The following BUB3 variants were observed in gnomAD, a reference collection of about 807,000 sequenced individuals.
BUB3 encodes mitotic checkpoint protein BUB3.
In BUB3, 22 loss-of-function variants were observed where a neutral mutation model predicts 39.9. That is an observed-to-expected ratio of 0.55 (90% CI 0.39 to 0.79). The LOEUF (loss-of-function observed/expected upper bound fraction) is 0.79, where lower values mean the gene tolerates loss of function less well. Among genes scored for constraint, BUB3 ranks in the 30% least tolerant of loss-of-function variants. BUB3 has a pLI of 0.00. For synonymous variants in BUB3, 168 were observed against 155.1 expected, an observed-to-expected ratio of 1.08 and a Z score of -0.62; for missense variants, 303 against 415.4, an observed-to-expected ratio of 0.73 and a Z score of 2.35.
At chr10:123,158,048 C>A (rs1231801807) in intron 4 of BUB3, among the ~76,000 whole-genome samples, 168 bp downstream of exon 4, 1 of 152,146 alleles carries the variant, frequency 6.6e-6, no homozygotes, top group Non-Finnish European at 1.5e-5. Context: ...TGCTTTAATG[C>A]AAAAGAAAAT....
rs762924864 is a variant in BUB3 at position 123,162,787 on chromosome 10, T to G, written c.930T>G (p.Gly310=). Residue 310 remains glycine, a synonymous_variant, in exon 7 of 8, where the codon GGT becomes GGG. Transcript: ENST00000368865. ...EMDDTEHPED[G]IFIRQVTDAE... is the part of the protein sequence containing the mutation. ...ATGACACAGAACATCCTGAAGATGGTATCTTCATTCGCCAAGTGACAGATG... is the reference window on the plus strand; with the variant it reads ...ATGACACAGAACATCCTGAAGATGGGATCTTCATTCGCCAAGTGACAGATG... 4 of 1,613,654 alleles carry G rather than the reference T, an allele frequency of 2.5e-6. No homozygotes were observed. The highest frequency in any genetic ancestry group is 3.4e-6 in the Non-Finnish European group (4 of 1,179,856).
intron 7 of BUB3, among the ~76,000 whole-genome samples, chr10:123,163,416 T>TA: frequency 6.6e-6 from 1 of 152,356 alleles, no homozygotes; most frequent in Non-Finnish European, 1.5e-5. Flanking sequence ...TTTACTTAAT[T>TA]ACCTCTACCA....
At position 123,157,736 on chromosome 10, in the gene BUB3, T is replaced by G; in HGVS notation, c.273T>G (p.Leu91=). 1 of 1,589,136 alleles carries G rather than the reference T, an allele frequency of 6.3e-7. No individual in the cohort carries two copies. Among genetic ancestry groups the G allele is most frequent in the Admixed American group, 1.8e-5 (1 of 57,082 alleles). ...CTTTTTTTTTCTCTATAGAAAATCT[T>G]GTTGGGACCCATGATGCCCCTATCA... ...MHDLNTDQEN[L]VGTHDAPIRC... is the part of the protein sequence containing the mutation. The change falls in exon 4 of 8, where the codon CTT becomes CTG. Residue 91 remains leucine (L), a synonymous_variant. Coordinates refer to ENST00000368865, the MANE Select transcript of BUB3 (RefSeq NM_004725.4).
rs376253752 is a variant in BUB3 at position 123,155,124 on chromosome 10, C to T, written c.195+12C>T. The T allele has an allele frequency of 6.2e-7, 1 of 1,611,970 alleles. No individual in the cohort carries two copies. The highest frequency in any genetic ancestry group is 1.3e-5 in the African/African-American group (1 of 74,888). On this transcript the variant is annotated intron_variant, in intron 2 of 7. Coordinates refer to ENST00000368865, the MANE Select transcript of BUB3 (RefSeq NM_004725.4). The stretch of plus-strand genomic sequence containing the variant: ...ACTGCGCCTTCTACGTAGGTGCCCT[C>T]CCGCCCTGCTCCTGCCCTCTTACTG...
rs1023268669 is a variant in BUB3, at chr10:123,169,558, A to T, written c.*5723A>T. The T allele has an allele frequency of 6.6e-6, 1 of 152,232 alleles. No homozygotes were observed. The highest frequency in any genetic ancestry group is 2.4e-5 in the African/African-American group (1 of 41,454). The allele number at this position is 152,232 out of a possible 1,614,324, so 9.4% of individuals were successfully genotyped here. A position where few individuals can be genotyped will look rare whatever the true frequency, so the allele number is the denominator to read the frequency against. ...GTTTGGTGACTGCTTGAAGTCTAAG[A>T]TCACCAAAGTGGCTAATGCAGGCAC... On this transcript the variant is annotated 3_prime_UTR_variant, in exon 8 of 8. Transcript: ENST00000368865.
chr10:123,163,006 C>G, intron 7 of BUB3, 178 bp downstream of exon 7: 4 of 618,900 alleles, frequency 6.5e-6, no homozygotes, highest in Non-Finnish European at 1.1e-5. Flanking sequence ...TGATAGACGT[C>G]TGATGGATAA....
chr10:123,154,715 T>C, intron 1 of BUB3: 1 of 568,534 alleles, frequency 1.8e-6, no homozygotes, highest in Non-Finnish European at 3.0e-6. Flanking sequence ...CGGTGCGGGC[T>C]GGGCCGGTTT....
intron 1 of BUB3, 74 bp from the exon 2 acceptor site, chr10:123,154,844 C>T (rs572737669): frequency 1.3e-6 from 2 of 1,494,610 alleles, no homozygotes; most frequent in Non-Finnish European, 1.8e-6. Context: ...TCTGGGGGGA[C>T]CCCCAGTGCC....
intron 4 of BUB3, among the ~76,000 whole-genome samples, chr10:123,158,692 C>A (rs766247064): frequency 4.6e-5 from 7 of 152,134 alleles, no homozygotes; most frequent in Non-Finnish European, 8.8e-5. Flanking sequence ...CCTGGCAAGA[C>A]CTTTGTTCAG....
At chr10:123,158,002 T>C in intron 4 of BUB3, 122 bp downstream of exon 4, 1 of 1,104,132 alleles carries the variant, frequency 9.1e-7, no homozygotes, top group East Asian at 2.7e-5. Context: ...GGAAAAAAGG[T>C]TGACAGTTGG....
rs1844467407 is a variant in BUB3 at position 123,164,744 on chromosome 10, A to G, written c.*909A>G. 3.6e-6 allele frequency: 4 copies of G among 1,110,752 alleles called. No individual in the cohort carries two copies. In the East Asian group the frequency reaches 2.0e-4, roughly 56 times the overall value. The allele number at this position is 1,110,752 out of a possible 1,614,324, so 68.8% of individuals were successfully genotyped here. On this transcript the variant is annotated 3_prime_UTR_variant, in exon 8 of 8. Coordinates refer to ENST00000368865, the MANE Select transcript of BUB3 (RefSeq NM_004725.4). ...CCGCTGGTGATTAAAGTTAAAAAGA[A>G]AAAAATTATAGTGAGAATGAGATTC...
chr10:123,155,650 T>A lies in BUB3; in HGVS notation c.196-8T>A. The A allele has an allele frequency of 6.2e-7, 1 of 1,613,628 alleles. No homozygotes were observed. Among genetic ancestry groups the A allele is most frequent in the South Asian group, 1.1e-5 (1 of 91,072 alleles). ...CTAGTTTTTAAACGGTTCAAAACTA[T>A]TTTATAGGATCCAACGCATGCCTGG... is the stretch of plus-strand genomic sequence containing the variant. On this transcript the variant is annotated splice_region_variant and splice_polypyrimidine_tract_variant and intron_variant, in intron 2 of 7. Coordinates refer to ENST00000368865, the MANE Select transcript of BUB3 (RefSeq NM_004725.4).
At chr10:123,154,595 T>C in intron 1 of BUB3, 110 bp downstream of exon 1, 2 of 253,954 alleles carry the variant, frequency 7.9e-6, no homozygotes, top group Non-Finnish European at 1.5e-5. Context: ...TTTCTGTTGT[T>C]TTCCCTTTAT....
In BUB3 at chr10:123,164,127, C is replaced by T. The variant is rs1844458205; in HGVS notation, c.*292C>T. 9.0e-7 allele frequency: 1 copy of T among 1,105,174 alleles called. No homozygotes were observed. Among genetic ancestry groups the T allele is most frequent in the Non-Finnish European group, 1.1e-6 (1 of 909,054 alleles). The allele number at this position is 1,105,174 out of a possible 1,614,324, so 68.5% of individuals were successfully genotyped here. A position where few individuals can be genotyped will look rare whatever the true frequency, so the allele number is the denominator to read the frequency against. Reference sequence around the variant, plus strand: ...TTTGACCTTGATGATTTTTTGTTTCCACTGTGGAAATAAATGTTTGTAAAT... The same window carrying T: ...TTTGACCTTGATGATTTTTTGTTTCTACTGTGGAAATAAATGTTTGTAAAT... On this transcript the variant is annotated 3_prime_UTR_variant, in exon 8 of 8. Coordinates refer to ENST00000368865, the MANE Select transcript of BUB3 (RefSeq NM_004725.4).
In BUB3 at chr10:123,164,685, T is replaced by A; in HGVS notation, c.*850T>A. Reference sequence around the variant, plus strand: ...TGAGGTTTACATATTTCTCTGACATTTATATAGTTCTTATGTCCATTTCAG... The same window carrying A: ...TGAGGTTTACATATTTCTCTGACATATATATAGTTCTTATGTCCATTTCAG... On this transcript the variant is annotated 3_prime_UTR_variant, in exon 8 of 8. Transcript: ENST00000368865. 1 of 1,021,310 alleles carries A rather than the reference T, an allele frequency of 9.8e-7. No individual in the cohort carries two copies. The highest frequency in any genetic ancestry group is 1.2e-6 in the Non-Finnish European group (1 of 853,164). The allele number at this position is 1,021,310 out of a possible 1,614,324, so 63.3% of individuals were successfully genotyped here.
In BUB3 at chr10:123,165,079, C is replaced by G. The variant is rs766299601; in HGVS notation, c.*1244C>G. Reference sequence around the variant, plus strand: ...TAATCATCCTGTGAAAGTGGTTTCTCTATGGAAAGCTTTGTTTGCTTCCTA... The same window carrying G: ...TAATCATCCTGTGAAAGTGGTTTCTGTATGGAAAGCTTTGTTTGCTTCCTA... On this transcript the variant is annotated 3_prime_UTR_variant, in exon 8 of 8. Transcript: ENST00000368865. The G allele has an allele frequency of 6.2e-5, 99 of 1,607,654 alleles. 1 individual carries two copies. In the South Asian group the frequency reaches 1.1e-3, roughly 17 times the overall value.
rs1246063925 is a variant in BUB3, at chr10:123,164,033, G to A, written c.*198G>A. ...CTTAAGTGCATGAGATGGTTTGATG[G>A]TTTGCTGCATTAAAGGTATTTGGGC... is the stretch of plus-strand genomic sequence containing the variant. On this transcript the variant is annotated 3_prime_UTR_variant, in exon 8 of 8. Coordinates refer to ENST00000368865, the MANE Select transcript of BUB3 (RefSeq NM_004725.4). 5.5e-6 allele frequency: 7 copies of A among 1,272,966 alleles called. No homozygotes were observed. Among genetic ancestry groups the A allele is most frequent in the Non-Finnish European group, 6.9e-6 (7 of 1,008,484 alleles). 78.9% of individuals were successfully genotyped at this position (1,272,966 alleles called of 1,614,324 possible). A position where few individuals can be genotyped will look rare whatever the true frequency, so the allele number is the denominator to read the frequency against.
rs756642442 is a variant in BUB3, at chr10:123,156,753, G to GTTTTTTTTTTTTTTTTTTTTTTTTTT, written c.266-965_266-964insTTTTTTTTTTTTTTTTTTTTTTTTTT. Among the ~76,000 whole-genome samples, 114 of 135,058 alleles carry GTTTTTTTTTTTTTTTTTTTTTTTTTT rather than the reference G, an allele frequency of 8.4e-4. 6 individuals are homozygous for GTTTTTTTTTTTTTTTTTTTTTTTTTT. The highest frequency in any genetic ancestry group is 7.3e-3 in the East Asian group (29 of 3,984). The allele number at this position is 135,058 out of a possible 152,430, so 88.6% of individuals were successfully genotyped here. Reference sequence around the variant, plus strand: ...ATGAAATCCTTTCTTTTTCTTTCTTGTTTTTTTTTTTGAGCTAGAGTCTCA... The same window carrying GTTTTTTTTTTTTTTTTTTTTTTTTTT: ...ATGAAATCCTTTCTTTTTCTTTCTTGTTTTTTTTTTTTTTTTTTTTTTTTTTTTTTTTTTTTTGAGCTAGAGTCTCA... On this transcript the variant is annotated intron_variant, in intron 3 of 7. Coordinates refer to ENST00000368865, the MANE Select transcript of BUB3 (RefSeq NM_004725.4).
chr10:123,166,723 G>T lies in BUB3; in HGVS notation c.*2888G>T, dbSNP rs1239452422. The T allele has an allele frequency of 6.6e-6, 1 of 152,192 alleles. No homozygotes were observed. The highest frequency in any genetic ancestry group is 2.4e-5 in the African/African-American group (1 of 41,430). The allele number at this position is 152,192 out of a possible 1,614,324, so 9.4% of individuals were successfully genotyped here. A position where few individuals can be genotyped will look rare whatever the true frequency, so the allele number is the denominator to read the frequency against. On this transcript the variant is annotated 3_prime_UTR_variant, in exon 8 of 8. Coordinates refer to ENST00000368865, the MANE Select transcript of BUB3 (RefSeq NM_004725.4). Reference sequence around the variant, plus strand: ...TCAGGAAGGGGCCGCGGACTGTAAGGTGCTCTCAGAAGATGGGACTAACCT... The same window carrying T: ...TCAGGAAGGGGCCGCGGACTGTAAGTTGCTCTCAGAAGATGGGACTAACCT...
Sources: allele counts gnomAD v4.1 joint callset (sites outside exome capture counted in the v4.1 genomes callset), GRCh38; gene constraint gnomAD v4.1.1; transcripts MANE v1.5; gene names NCBI Gene and HGNC (gene_info 2026-07-23, HGNC 2026-07-21).